Variants in NEK2 observed in about 807,000 individuals in gnomAD.
The protein encoded by NEK2 is serine/threonine-protein kinase Nek2.
Under a neutral mutation model 54.1 loss-of-function variants are expected in NEK2, and 28 were observed. The ratio of observed to expected loss-of-function variants is 0.52; its 90% CI spans 0.38 to 0.71. The LOEUF is 0.71. Among genes scored for constraint, NEK2 ranks in the 30% least tolerant of loss-of-function variants. The pLI is 0.00. For synonymous variants in NEK2, 176 were observed against 193.1 expected (o/e 0.91, Z 0.73); for missense variants, 407 against 531.5 (o/e 0.77, Z 2.30).
intron 2 of NEK2, 126 bp downstream of exon 2, chr1:211,674,170 A>G (rs1558230759): frequency 2.2e-5 from 16 of 726,138 alleles, no homozygotes; most frequent in Non-Finnish European, 8.8e-6. Flanking sequence ...GGAATTTTCT[A>G]AAGTACTGTG....
intron 7 of NEK2, among the ~76,000 whole-genome samples, chr1:211,664,062 G>GTTT (rs10710484): frequency 7.2e-6 from 1 of 139,090 alleles, no homozygotes; most frequent in Non-Finnish European, 1.6e-5. Context: ...TTCTGTCTTT[G>GTTT]TTTTTTTTTT....
In NEK2 at chr1:211,673,731, C is replaced by T; in HGVS notation, c.315-8G>A. On this transcript the variant is annotated splice_polypyrimidine_tract_variant and splice_region_variant and intron_variant, in intron 2 of 7. Transcript: ENST00000366999. ...TCTTCATCTAAGTATTGCCTAAAACCAAAGCAGTTATACAGCATATAACTT... is the reference window on the plus strand; with the variant it reads ...TCTTCATCTAAGTATTGCCTAAAACTAAAGCAGTTATACAGCATATAACTT... 6.2e-7 allele frequency: 1 copy of T among 1,613,684 alleles called. No homozygotes were observed. The highest frequency in any genetic ancestry group is 8.5e-7 in the Non-Finnish European group (1 of 1,179,666).
chr1:211,669,634 G>C (rs1225634900), intron 5 of NEK2: 1 of 366,840 alleles, frequency 2.7e-6, no homozygotes, highest in Non-Finnish European at 5.0e-6. Context: ...AGCATTGCTA[G>C]GGTCTGTTTT....
chr1:211,670,170 G>C (rs1655326595), intron 5 of NEK2, 111 bp downstream of exon 5: 2 of 1,152,626 alleles, frequency 1.7e-6, no homozygotes, highest in African/African-American at 1.6e-5. Flanking sequence ...ATTTAGCTAA[G>C]AAAGTATATT....
At position 211,669,331 on chromosome 1, in the gene NEK2, T is replaced by A. The variant is rs978868629; in HGVS notation, c.767A>T (p.Asp256Val). ...EIITRMLNLK[D>V]YHRPSVEEIL... ...TTCTTCAACAGAAGGTCGATGGTAA[T>A]CCTGGGGAAAAAATACTCAGTATTA... The change falls in exon 6 of 8, where the codon GAT (aspartate) becomes GTT (valine). Residue 256 changes from aspartate to valine, a missense_variant and splice_region_variant. Asp to Val is a radical substitution (Grantham distance 152). Coordinates refer to ENST00000366999, the MANE Select transcript of NEK2 (RefSeq NM_002497.4). The A allele has an allele frequency of 6.2e-7, 1 of 1,613,400 alleles. No homozygotes were observed. The highest frequency in any genetic ancestry group is 1.3e-5 in the African/African-American group (1 of 74,906).
intron 5 of NEK2, 135 bp from the exon 6 acceptor site, chr1:211,669,467 ACTTGG>A: frequency 1.4e-6 from 1 of 720,024 alleles, no homozygotes; most frequent in Non-Finnish European, 2.3e-6. Context: ...GGTCTTAAAA[ACTTGG>A]AAAAATAAGT....
At position 211,663,223 on chromosome 1, in the gene NEK2, TAAAA is replaced by T. The variant is rs907612261; in HGVS notation, c.*199_*202del. 3.0e-6 allele frequency: 4 copies of T among 1,347,252 alleles called. No individual in the cohort carries two copies. In the Admixed American group the frequency reaches 1.3e-4, roughly 45 times the overall value. 83.5% of individuals were successfully genotyped at this position (1,347,252 alleles called of 1,614,324 possible). On this transcript the variant is annotated 3_prime_UTR_variant, in exon 8 of 8. Transcript: ENST00000366999. ...AAGTATTCTTTTTATAATATGTTCT[TAAAA>T]GAAGAAAGAAAAATTAAATGTGAAC...
At chr1:211,674,927 A>G (rs1320615092) in intron 1 of NEK2, among the ~76,000 whole-genome samples, 3 of 152,168 alleles carry the variant, frequency 2.0e-5, no homozygotes, top group Non-Finnish European at 4.4e-5. Flanking sequence ...GTCCAATGTT[A>G]CTTTCTGTAA....
intron 6 of NEK2, among the ~76,000 whole-genome samples, chr1:211,668,046 C>CAA (rs1455637349): frequency 5.0e-4 from 63 of 125,812 alleles, no homozygotes; most frequent in African/African-American, 1.3e-3. Context: ...AATTCCATCT[C>CAA]AAAAAAAAAA....
intron 3 of NEK2, among the ~76,000 whole-genome samples, chr1:211,671,567 G>A (rs371596593): frequency 5.4e-4 from 82 of 152,198 alleles, no homozygotes; most frequent in African/African-American, 1.9e-3. Flanking sequence ...CTACTCTCAA[G>A]GCAAATTAAG....
In NEK2 at chr1:211,675,615, C is replaced by A; in HGVS notation, c.-136G>T. The A allele has an allele frequency of 1.5e-6, 1 of 658,950 alleles. No individual in the cohort carries two copies. Among genetic ancestry groups the A allele is most frequent in the East Asian group, 2.8e-5 (1 of 35,444 alleles). 40.8% of individuals were successfully genotyped at this position (658,950 alleles called of 1,614,324 possible). A position where few individuals can be genotyped will look rare whatever the true frequency, so the allele number is the denominator to read the frequency against. ...CTGACCCGCCACCCCTGCCTTGGGC[C>A]CCGTTTAACCGTCGCGGGCCCTGAT... On this transcript the variant is annotated 5_prime_UTR_variant, in exon 1 of 8. Transcript: ENST00000366999.
chr1:211,663,709 CATACTT>C, intron 7 of NEK2, 57 bp from the exon 8 acceptor site: 2 of 1,480,836 alleles, frequency 1.4e-6, no homozygotes, highest in South Asian at 2.5e-5. Flanking sequence ...TCAACTCCTT[CATACTT>C]ATACTTATCA....
At position 211,663,460 on chromosome 1, in the gene NEK2, T is replaced by C; in HGVS notation, c.1304A>G (p.Gln435Arg). The change falls in exon 8 of 8, where the codon CAA becomes CGA. Residue 435 changes from glutamine (Q) to arginine (R), a missense_variant. Physicochemically the swap from Gln to Arg is conservative, Grantham distance 43. Coordinates refer to ENST00000366999, the MANE Select transcript of NEK2 (RefSeq NM_002497.4). ...QALSDIEKNYQLKSRQILGMR is the reference protein window; with the variant it reads ...QALSDIEKNYRLKSRQILGMR ...GCCCAGGATCTGTCTGCTTTTCAGTTGGTAATTTTTCTCAATATCTGACAG... is the reference window on the plus strand; with the variant it reads ...GCCCAGGATCTGTCTGCTTTTCAGTCGGTAATTTTTCTCAATATCTGACAG... 1 of 1,613,738 alleles carries C rather than the reference T, an allele frequency of 6.2e-7. No individual in the cohort carries two copies. Among genetic ancestry groups the C allele is most frequent in the Non-Finnish European group, 8.5e-7 (1 of 1,179,748 alleles).
At position 211,674,381 on chromosome 1, in the gene NEK2, G is replaced by A. The variant is rs149282984; in HGVS notation, c.229C>T (p.Arg77Trp). 51 of 1,613,902 alleles carry A rather than the reference G, an allele frequency of 3.2e-5. No individual in the cohort carries two copies. The highest frequency in any genetic ancestry group is 8.0e-5 in the African/African-American group (6 of 74,868). ...IVRYYDRIID[R>W]TNTTLYIVME... ...ACAATGTACAGTGTTGTATTGGTCC[G>A]GTCAATAATCCGATCATAGTAACGA... The change falls in exon 2 of 8, where the codon CGG (arginine) becomes TGG (tryptophan). Residue 77 changes from arginine to tryptophan, a missense_variant. Coordinates refer to ENST00000366999, the MANE Select transcript of NEK2 (RefSeq NM_002497.4).
downstream of NEK2, chr1:211,658,719 CAAAAAAA>C (rs967490624): frequency 1.4e-3 from 51 of 37,542 alleles, no homozygotes; most frequent in East Asian, 0.013. Flanking sequence ...GACTCTATCT[CAAAAAAA>C]AAAAAAAAAA....
rs776749381 is a variant in NEK2, at chr1:211,674,421, T to C, written c.189A>G (p.Lys63=). 26 of 1,614,068 alleles carry C rather than the reference T, an allele frequency of 1.6e-5. No homozygotes were observed. In the South Asian group the frequency reaches 2.6e-4, roughly 16 times the overall value. The part of the protein sequence containing the change: ...VSEVNLLREL[K]HPNIVRYYDR... ...CATAGTAACGAACGATGTTTGGATG[T>C]TTCAGTTCACGAAGCAAATTCACTT... Residue 63 remains lysine, a synonymous_variant, in exon 2 of 8, where the codon AAA becomes AAG. Transcript: ENST00000366999.
intron 7 of NEK2, among the ~76,000 whole-genome samples, 182 bp from the exon 8 acceptor site, chr1:211,663,834 A>G (rs1052428864): frequency 6.6e-6 from 1 of 152,180 alleles, no homozygotes; most frequent in African/African-American, 2.4e-5. Flanking sequence ...CTTTTAATCC[A>G]CAGCATTGAA....
intron 7 of NEK2, chr1:211,666,667 C>T (rs1234045869): frequency 3.9e-6 from 1 of 257,938 alleles, no homozygotes; most frequent in Non-Finnish European, 6.1e-6. Context: ...GGCTTGGTGG[C>T]GGGTGTCTGT....
downstream of NEK2, among the ~76,000 whole-genome samples, chr1:211,658,480 C>T (rs941031170): frequency 1.4e-4 from 21 of 151,208 alleles, no homozygotes; most frequent in African/African-American, 5.1e-4. Flanking sequence ...ACAGACAAGC[C>T]ATATTCATAA....
Sources: gnomAD v4.1 joint callset for allele counts (sites outside exome capture counted in the v4.1 genomes callset) on GRCh38, gnomAD v4.1.1 for gene constraint, MANE v1.5 for transcripts, NCBI Gene and HGNC (gene_info 2026-07-23, HGNC 2026-07-21) for gene names.